SAMD5: variants seen among roughly 807,000 people sequenced by gnomAD.
SAMD5 encodes the protein sterile alpha motif domain-containing protein 5.
In SAMD5, 13 loss-of-function variants were observed where a neutral mutation model predicts 11.3. The observed-to-expected ratio is 1.15, with a 90% CI of 0.75 to 1.83. The LOEUF (loss-of-function observed/expected upper bound fraction) is 1.83, where lower values mean the gene tolerates loss of function less well. Ranked by LOEUF, SAMD5 falls within the 40% of genes most tolerant of loss-of-function variation. The pLI is 0.00. For synonymous variants in SAMD5, 129 were observed against 111.3 expected (o/e 1.16, Z -1.00); for missense variants, 255 against 239.1 (o/e 1.07, Z -0.44).
At chr6:147,584,772 C>G (rs768020791) in intron 1 of SAMD5, among the ~76,000 whole-genome samples, 1 of 152,104 alleles carries the variant, frequency 6.6e-6, no homozygotes, top group African/African-American at 2.4e-5. Context: ...TTTCAGACCA[C>G]TAATTAGATT....
the SAMD5 span, among the ~76,000 whole-genome samples, chr6:147,851,235 C>T: frequency 0.14 from 20,857 of 152,072 alleles, 1,586 homozygotes; most frequent in Middle Eastern, 0.17. Context: ...TGAGCCACTG[C>T]GCCCAGCCAA....
the SAMD5 span, among the ~76,000 whole-genome samples, chr6:147,947,043 G>A: frequency 4.6e-5 from 7 of 151,274 alleles, no homozygotes; most frequent in African/African-American, 1.5e-4. Flanking sequence ...TTGAGGTCTC[G>A]TTTACGGGGC....
At chr6:147,564,277 T>C (rs2128444530) in intron 1 of SAMD5, 117 bp from the exon 2 acceptor site, 4 of 663,904 alleles carry the variant, frequency 6.0e-6, no homozygotes, top group Middle Eastern at 2.5e-4. Context: ...CAAAAGTCCA[T>C]GTGGTAAGCA....
intron 1 of SAMD5, among the ~76,000 whole-genome samples, chr6:147,625,036 G>A (rs966125645): frequency 2.0e-5 from 3 of 152,200 alleles, no homozygotes; most frequent in Non-Finnish European, 2.9e-5. Context: ...CAGGGTAGAA[G>A]CAGGCGTGAC....
the SAMD5 span, among the ~76,000 whole-genome samples, chr6:147,796,282 T>C: frequency 6.6e-6 from 1 of 151,802 alleles, no homozygotes; most frequent in African/African-American, 2.4e-5. Flanking sequence ...GCTTTCTACA[T>C]ATGGCTAGCC....
At chr6:147,651,612 C>G (rs1335929205) in intron 1 of SAMD5, among the ~76,000 whole-genome samples, 1 of 152,150 alleles carries the variant, frequency 6.6e-6, no homozygotes, top group African/African-American at 2.4e-5. Context: ...CATCTGCAGG[C>G]AGACACCAGA....
rs10632543 is a variant in SAMD5, at chr6:147,520,117, G to GTTTTT, written c.459+10743_459+10747dup. Among the ~76,000 whole-genome samples, 11 of 136,856 alleles carry GTTTTT rather than the reference G, an allele frequency of 8.0e-5. 1 individual carries two copies. Among genetic ancestry groups the GTTTTT allele is most frequent in the Non-Finnish European group, 3.1e-5 (2 of 64,016 alleles). 89.8% of individuals were successfully genotyped at this position (136,856 alleles called of 152,430 possible). ...TGTAAAATTCTAAGAGAACTTTATA[G>GTTTTT]TTTTTTTTTTTTTTTTTGGAGATAG... On this transcript the variant is annotated intron_variant, in intron 1 of 1. Transcript: ENST00000367474.
At chr6:147,898,433 C>T in the SAMD5 span, among the ~76,000 whole-genome samples, 28 of 152,316 alleles carry the variant, frequency 1.8e-4, no homozygotes, top group Middle Eastern at 3.4e-3. Flanking sequence ...AGGTTGTGTG[C>T]TTAGGTCAGA....
chr6:147,943,560 A>G, the SAMD5 span, among the ~76,000 whole-genome samples: 2 of 151,952 alleles, frequency 1.3e-5, no homozygotes, highest in African/African-American at 4.8e-5. Flanking sequence ...CTAGGCTCCC[A>G]GAAAGCTGCA....
chr6:147,691,897 T>A (rs1231433087), intron 1 of SAMD5, among the ~76,000 whole-genome samples: 2 of 152,090 alleles, frequency 1.3e-5, no homozygotes, highest in African/African-American at 4.8e-5. Context: ...CTGAAAATAA[T>A]TCAGAGGGAA....
chr6:147,761,736 C>A, the SAMD5 span, among the ~76,000 whole-genome samples: 1 of 151,976 alleles, frequency 6.6e-6, no homozygotes, highest in Non-Finnish European at 1.5e-5. Flanking sequence ...TTTTTTGAGA[C>A]GGAGTCTCAC....
intron 1 of SAMD5, among the ~76,000 whole-genome samples, chr6:147,618,500 G>A (rs554873791): frequency 3.7e-4 from 56 of 152,328 alleles, no homozygotes; most frequent in Admixed American, 3.5e-3. Flanking sequence ...GTACTTTGCA[G>A]CCAGTGGTGA....
At chr6:147,697,276 A>G (rs1279990732) in intron 1 of SAMD5, among the ~76,000 whole-genome samples, 4 of 152,216 alleles carry the variant, frequency 2.6e-5, no homozygotes, top group Non-Finnish European at 4.4e-5. Context: ...AGATTCATGG[A>G]TTCTAAAATG....
chr6:147,781,360 T>C, the SAMD5 span, among the ~76,000 whole-genome samples: 1 of 152,132 alleles, frequency 6.6e-6, no homozygotes, highest in African/African-American at 2.4e-5. Flanking sequence ...TCTCACTATA[T>C]GTTTTCCAGG....
chr6:147,625,496 G>T (rs1017327364), intron 1 of SAMD5, among the ~76,000 whole-genome samples: 2 of 152,116 alleles, frequency 1.3e-5, no homozygotes, highest in Non-Finnish European at 2.9e-5. Context: ...CTAGGAGTCT[G>T]GTTTTTCTAA....
chr6:147,911,774 T>C, the SAMD5 span, among the ~76,000 whole-genome samples: 1 of 152,176 alleles, frequency 6.6e-6, no homozygotes, highest in African/African-American at 2.4e-5. Flanking sequence ...TATGAATCTG[T>C]GGGTCAGCTG....
chr6:147,669,387 G>A (rs1790764422), intron 1 of SAMD5, among the ~76,000 whole-genome samples: 1 of 142,708 alleles, frequency 7.0e-6, no homozygotes, highest in Non-Finnish European at 1.5e-5. Context: ...TCGTGAGCTT[G>A]TAGCCATTCA....
At chr6:147,571,982 C>CTT (rs143834984), downstream of SAMD5, among the ~76,000 whole-genome samples, 22 of 128,410 alleles carry the variant, frequency 1.7e-4, no homozygotes, top group African/African-American at 3.8e-4. Context: ...GTAATTTCAA[C>CTT]TTTTTTTTTT....
At chr6:147,876,138 A>C in the SAMD5 span, among the ~76,000 whole-genome samples, 1 of 152,178 alleles carries the variant, frequency 6.6e-6, no homozygotes, top group Admixed American at 6.5e-5. Flanking sequence ...CCTGGCTGAA[A>C]GCTCTGCTGT....
Sources: gnomAD v4.1 joint callset for allele counts (sites outside exome capture counted in the v4.1 genomes callset) on GRCh38, gnomAD v4.1.1 for gene constraint, MANE v1.5 for transcripts, NCBI Gene and HGNC (gene_info 2026-07-23, HGNC 2026-07-21) for gene names.